The following RALGPS1 variants were observed in gnomAD, a reference collection of about 807,000 sequenced individuals.
RALGPS1 encodes the protein Ral GEF with PH domain and SH3 binding motif 1.
Under a neutral mutation model 78.8 loss-of-function variants are expected in RALGPS1, and 19 were observed. The observed-to-expected ratio is 0.24, with a 90% CI of 0.17 to 0.35. The LOEUF (loss-of-function observed/expected upper bound fraction) is 0.35, where lower values mean the gene tolerates loss of function less well. RALGPS1 is among the 10% of genes least tolerant of loss of function. The pLI, the probability that RALGPS1 is intolerant of heterozygous loss-of-function variation, is 1.00. For missense variants in RALGPS1, 454 were observed against 688.3 expected (o/e 0.66, Z 3.81); for synonymous variants, 228 against 256.3 (o/e 0.89, Z 1.06).
chr9:127,108,404 C>T (rs758211071), intron 8 of RALGPS1: 2 of 1,609,016 alleles, frequency 1.2e-6, no homozygotes, highest in Admixed American at 3.3e-5. Context: ...TCCACCTCCA[C>T]CAGCTGCTGC....
rs1456702617 is a variant in RALGPS1, at chr9:127,211,272, G to GGAGGA, written c.1248-849_1248-845dup. Among the ~76,000 whole-genome samples, 2 of 152,318 alleles carry GGAGGA rather than the reference G, an allele frequency of 1.3e-5. No individual in the cohort carries two copies. The highest frequency in any genetic ancestry group is 3.9e-4 in the East Asian group (2 of 5,182). On this transcript the variant is annotated intron_variant, in intron 14 of 18. Coordinates refer to ENST00000259351, the MANE Select transcript of RALGPS1 (RefSeq NM_014636.3). This position sits in a 1 kb window ranked among gnomAD's most constrained non-coding sequence, Gnocchi z 5.0. ...TGAAAGGGGCTTGCTGTGGGCAGGT[G>GGAGGA]GAGGAGAGGAGAGGGGGAGGGTGGA...
Position 126,965,972 on chromosome 9 carries a change from G to A in RALGPS1, c.165+21G>A, listed in dbSNP as rs1446127729. The A allele has an allele frequency of 2.5e-6, 4 of 1,595,676 alleles. No individual in the cohort carries two copies. In the African/African-American group the frequency reaches 5.4e-5, roughly 21 times the overall value. On this transcript the variant is annotated intron_variant, in intron 3 of 18. Transcript: ENST00000259351. ...TTGCTGTAAGTGAAACAGGGCTGGT[G>A]TGGGTGGCTGGGCACCACAGCAGGG... is the stretch of plus-strand genomic sequence containing the variant.
rs781240264 is a variant in RALGPS1 at position 126,962,249 on chromosome 9, C to T, written c.-41C>T. On this transcript the variant is annotated 5_prime_UTR_variant, in exon 2 of 19. Coordinates refer to ENST00000259351, the MANE Select transcript of RALGPS1 (RefSeq NM_014636.3). ...GGACTTCTCCAGACAGGTTATGTTA[C>T]CTGCAGAGGCTGCCCTGAAGCTCCC... 24 of 1,608,740 alleles carry T rather than the reference C, an allele frequency of 1.5e-5. No individual in the cohort carries two copies. The African/African-American group carries it at 2.9e-4, about 20-fold the overall frequency.
intron 5 of RALGPS1, among the ~76,000 whole-genome samples, chr9:127,046,672 C>CAAA (rs71377987): frequency 1.5e-4 from 6 of 40,444 alleles, no homozygotes; most frequent in African/African-American, 3.5e-4. Flanking sequence ...CCCATCCATA[C>CAAA]AAAAAAAAAA....
At chr9:127,108,733 G>T in intron 8 of RALGPS1, 1 of 1,596,858 alleles carries the variant, frequency 6.3e-7, no homozygotes, top group African/African-American at 1.3e-5. Context: ...TGGCCTCATG[G>T]TCCTTGCAAA....
At chr9:126,933,204 GAA>G (rs1340528604) in intron 1 of RALGPS1, among the ~76,000 whole-genome samples, 1 of 152,168 alleles carries the variant, frequency 6.6e-6, no homozygotes, top group Non-Finnish European at 1.5e-5. Context: ...AATGGGAGGA[GAA>G]AGAGGGACGG....
intron 8 of RALGPS1, among the ~76,000 whole-genome samples, chr9:127,095,902 G>C (rs1490615937): frequency 6.6e-6 from 1 of 152,204 alleles, no homozygotes; most frequent in East Asian, 1.9e-4. Flanking sequence ...GGCAGGGGCT[G>C]TCTTGCTCAT....
intron 8 of RALGPS1, among the ~76,000 whole-genome samples, chr9:127,111,452 CAATA>C (rs1441008393): frequency 1.3e-5 from 2 of 152,026 alleles, no homozygotes; most frequent in African/African-American, 4.8e-5. Context: ...CATAGGAGCT[CAATA>C]AATATTTGTT....
chr9:127,098,135 A>T (rs1289600534), intron 8 of RALGPS1, among the ~76,000 whole-genome samples: 1 of 152,244 alleles, frequency 6.6e-6, no homozygotes, highest in Non-Finnish European at 1.5e-5. Flanking sequence ...TAAGATATTT[A>T]CCAGTAGATG....
chr9:126,942,768 T>C (rs975490035), intron 1 of RALGPS1, among the ~76,000 whole-genome samples: 1 of 152,232 alleles, frequency 6.6e-6, no homozygotes, highest in African/African-American at 2.4e-5. Flanking sequence ...TATTTATAGA[T>C]TGATTGGGTG....
At position 127,218,164 on chromosome 9, in the gene RALGPS1, A is replaced by G. The variant is rs2062673922; in HGVS notation, c.1645-576A>G. On this transcript the variant is annotated intron_variant, in intron 18 of 18. Transcript: ENST00000259351. The surrounding 1 kb of genome is among the most constrained non-coding windows in gnomAD (Gnocchi z 4.4). Reference sequence around the variant, plus strand: ...CCTGTTGGCAGCTTTTGGGGGTGGCAGAAACACTCTGACCTTGGGGCTAGT... The same window carrying G: ...CCTGTTGGCAGCTTTTGGGGGTGGCGGAAACACTCTGACCTTGGGGCTAGT... 6.6e-6 allele frequency among the ~76,000 whole-genome samples: 1 copy of G among 152,168 alleles called. No individual in the cohort carries two copies. Among genetic ancestry groups the G allele is most frequent in the Non-Finnish European group, 1.5e-5 (1 of 68,030 alleles).
Position 127,212,621 on chromosome 9 carries a change from C to T in RALGPS1, c.1354-6C>T. The T allele has an allele frequency of 6.2e-7, 1 of 1,602,960 alleles. No homozygotes were observed. The highest frequency in any genetic ancestry group is 8.5e-7 in the Non-Finnish European group (1 of 1,172,006). On this transcript the variant is annotated splice_region_variant and splice_polypyrimidine_tract_variant and intron_variant, in intron 15 of 18. Coordinates refer to ENST00000259351, the MANE Select transcript of RALGPS1 (RefSeq NM_014636.3). This position sits in a 1 kb window ranked among gnomAD's most constrained non-coding sequence, Gnocchi z 6.0. The stretch of plus-strand genomic sequence containing the variant: ...TGGCATCACTCAGCCTCCCCTTCCT[C>T]TGTAGCTGTCCTCGTGGACCAGGTA...
In RALGPS1 at chr9:126,965,965, G is replaced by A. The variant is rs369147874; in HGVS notation, c.165+14G>A. Reference sequence around the variant, plus strand: ...GAGGAGTTTGCTGTAAGTGAAACAGGGCTGGTGTGGGTGGCTGGGCACCAC... The same window carrying A: ...GAGGAGTTTGCTGTAAGTGAAACAGAGCTGGTGTGGGTGGCTGGGCACCAC... On this transcript the variant is annotated intron_variant, in intron 3 of 18. Transcript: ENST00000259351. 8.3e-5 allele frequency: 133 copies of A among 1,603,472 alleles called. No individual in the cohort carries two copies. Among genetic ancestry groups the A allele is most frequent in the Non-Finnish European group, 1.1e-4 (126 of 1,170,340 alleles).
At chr9:127,066,040 G>A (rs1007370998) in intron 7 of RALGPS1, among the ~76,000 whole-genome samples, 2 of 152,208 alleles carry the variant, frequency 1.3e-5, no homozygotes, top group Non-Finnish European at 2.9e-5. Context: ...CTGTGTGAGT[G>A]TGTGGGGCAA....
In RALGPS1 at chr9:126,939,857, G is replaced by A. The variant is rs538169889; in HGVS notation, c.-65-22368G>A. On this transcript the variant is annotated intron_variant, in intron 1 of 18. Transcript: ENST00000259351. ...CAGAGAGCCTGCAGAGGAAGGCCAT[G>A]GACCCAGGCTGGAGGCCTGTTGGGT... 2.0e-5 allele frequency among the ~76,000 whole-genome samples: 3 copies of A among 152,374 alleles called. No individual in the cohort carries two copies. The South Asian group carries it at 6.2e-4, about 32-fold the overall frequency.
At chr9:127,059,373 C>T (rs2049008623) in intron 7 of RALGPS1, among the ~76,000 whole-genome samples, 2 of 152,152 alleles carry the variant, frequency 1.3e-5, no homozygotes. Context: ...CTCATCATTC[C>T]TCATAGCCTG....
chr9:127,096,423 G>A (rs2053149447), intron 8 of RALGPS1, among the ~76,000 whole-genome samples: 1 of 152,212 alleles, frequency 6.6e-6, no homozygotes, highest in Non-Finnish European at 1.5e-5. Context: ...CCCACTGAGA[G>A]CGAGCAGCCC....
chr9:127,073,456 G>GTGTGTGTC (rs1414250338), intron 8 of RALGPS1, among the ~76,000 whole-genome samples: 5 of 143,862 alleles, frequency 3.5e-5, no homozygotes, highest in African/African-American at 8.3e-5. Flanking sequence ...TTGTGTGTGT[G>GTGTGTGTC]TGTGTGTGTC....
chr9:127,201,428 C>T (rs1354346841), intron 14 of RALGPS1, among the ~76,000 whole-genome samples: 1 of 152,226 alleles, frequency 6.6e-6, no homozygotes, highest in Non-Finnish European at 1.5e-5. Flanking sequence ...CCCGTGCAGT[C>T]CTGATGAGCA....
Sources: gnomAD v4.1 joint callset for allele counts (sites outside exome capture counted in the v4.1 genomes callset) on GRCh38, gnomAD v4.1.1 for gene constraint, Gnocchi (gnomAD v3.1) non-coding constraint, MANE v1.5 for transcripts, NCBI Gene and HGNC (gene_info 2026-07-23, HGNC 2026-07-21) for gene names.